Variants in MITF observed in about 807,000 individuals in gnomAD.
MITF encodes the protein microphthalmia-associated transcription factor.
In MITF, 17 loss-of-function variants were observed where a neutral mutation model predicts 60.5. The observed-to-expected ratio is 0.28, with a 90% CI of 0.19 to 0.42. The LOEUF is 0.42. Among genes scored for constraint, MITF ranks in the 10% least tolerant of loss-of-function variants. The probability of loss-of-function intolerance (pLI) is 1.00; values close to 1 mark genes in which losing one functional copy is unlikely to be tolerated. For missense variants in MITF, 622 were observed against 683.5 expected, an observed-to-expected ratio of 0.91 and a Z score of 1.00; for synonymous variants, 260 against 248.5, an observed-to-expected ratio of 1.05 and a Z score of -0.43.
chr3:69,866,155 C>T lies in MITF; in HGVS notation c.105-12979C>T. ...TTGCAGACAGAAACCAGGCACCGTT[C>T]TAGCACAGAGCTGTGTTTGGATTGG... is the stretch of plus-strand genomic sequence containing the variant. On this transcript the variant is annotated intron_variant, in intron 1 of 9. Coordinates refer to ENST00000352241, the MANE Select transcript of MITF (RefSeq NM_001354604.2). 2.6e-6 allele frequency: 4 copies of T among 1,511,408 alleles called. No individual in the cohort carries two copies. The African/African-American group carries it at 5.6e-5, about 21-fold the overall frequency. The allele number at this position is 1,511,408 out of a possible 1,614,324, so 93.6% of individuals were successfully genotyped here.
chr3:69,886,498 A>G (rs560392068), intron 2 of MITF, among the ~76,000 whole-genome samples: 164 of 152,226 alleles, frequency 1.1e-3, no homozygotes, highest in Admixed American at 2.2e-3. Context: ...TTATTTGCTT[A>G]TAAGCACACA....
chr3:69,936,582 TA>T, intron 2 of MITF: 6 of 1,518,252 alleles, frequency 4.0e-6, no homozygotes, highest in Non-Finnish European at 5.3e-6. Flanking sequence ...GCTTCTGTGA[TA>T]AAGTTTCCGG....
In MITF at chr3:69,879,147, CA is replaced by C; in HGVS notation, c.119del (p.His40LeufsTer9). On this transcript the variant is annotated frameshift_variant, in exon 2 of 10. Coordinates refer to ENST00000352241, the MANE Select transcript of MITF (RefSeq NM_001354604.2). LOFTEE classifies it high-confidence loss of function. ...GTTTTCCCACAGCAGTTCCGCCGAG[CA>C]TCCTGGGGCCTCCAAGCCTCCGATA... ...QPLKSSSSAE[H>X]PGASKPPISS... 6.2e-7 allele frequency: 1 copy of C among 1,614,214 alleles called. No homozygotes were observed. Among genetic ancestry groups the C allele is most frequent in the East Asian group, 2.2e-5 (1 of 44,886 alleles).
intron 2 of MITF, among the ~76,000 whole-genome samples, chr3:69,902,690 A>G (rs1395333754): frequency 5.9e-5 from 9 of 152,186 alleles, no homozygotes; most frequent in African/African-American, 2.2e-4. Flanking sequence ...ACTACTTTTA[A>G]TTACTGTGCA....
At chr3:69,898,191 C>T (rs939560160) in intron 2 of MITF, among the ~76,000 whole-genome samples, 1 of 152,188 alleles carries the variant, frequency 6.6e-6, no homozygotes, top group Non-Finnish European at 1.5e-5. Flanking sequence ...AGAAGTCTTT[C>T]CCCTGTTCAC....
At chr3:69,880,402 T>A (rs982411464) in intron 2 of MITF, among the ~76,000 whole-genome samples, 1 of 151,916 alleles carries the variant, frequency 6.6e-6, no homozygotes, top group East Asian at 1.9e-4. Flanking sequence ...AAATCAAGAG[T>A]CAATTATTTT....
intron 1 of MITF, among the ~76,000 whole-genome samples, chr3:69,826,741 C>A (rs898951384): frequency 6.6e-6 from 1 of 152,134 alleles, no homozygotes; most frequent in African/African-American, 2.4e-5. Flanking sequence ...GTGCACAGTG[C>A]TTGACACATA....
intron 1 of MITF, among the ~76,000 whole-genome samples, chr3:69,831,226 G>A (rs973775642): frequency 6.6e-6 from 1 of 152,170 alleles, no homozygotes; most frequent in Non-Finnish European, 1.5e-5. Context: ...AATGGCAGCC[G>A]TTAACAATTA....
chr3:69,871,625 T>G (rs115820123), intron 1 of MITF, among the ~76,000 whole-genome samples: 3 of 152,228 alleles, frequency 2.0e-5, no homozygotes, highest in African/African-American at 7.2e-5. Context: ...CAACACAATG[T>G]TGGAAACTTT....
chr3:69,939,051 C>T, intron 3 of MITF, 47 bp from the exon 4 acceptor site: 1 of 1,603,386 alleles, frequency 6.2e-7, no homozygotes, highest in East Asian at 2.2e-5. Context: ...ATTAAAAAGT[C>T]ATTTGCAAAT....
intron 1 of MITF, among the ~76,000 whole-genome samples, chr3:69,849,344 C>T (rs537285663): frequency 6.6e-6 from 1 of 152,224 alleles, no homozygotes; most frequent in African/African-American, 2.4e-5. Context: ...ATTTCAGTTA[C>T]GGTGCTGTTT....
chr3:69,854,634 G>C lies in MITF; in HGVS notation c.105-24500G>C, dbSNP rs985740048. On this transcript the variant is annotated intron_variant, in intron 1 of 9. Transcript: ENST00000352241. ...AGGGGCTGACTGTATTTTGTCTTCT[G>C]TATGAAAGAGGTGCTTATTGTACAA... is the stretch of plus-strand genomic sequence containing the variant. Among the ~76,000 whole-genome samples, 6 of 152,156 alleles carry C rather than the reference G, an allele frequency of 3.9e-5. No homozygotes were observed. The East Asian group carries it at 9.6e-4, about 24-fold the overall frequency.
In MITF at chr3:69,876,405, T is replaced by TC. The variant is rs577153094; in HGVS notation, c.105-2723dup. 5.2e-3 allele frequency among the ~76,000 whole-genome samples: 785 copies of TC among 151,882 alleles called. 3 individuals are homozygous for TC. The highest frequency in any genetic ancestry group is 0.018 in the African/African-American group (744 of 41,380). ...TATTTATTTATTTTAAAATAACTGT[T>TC]CCCCCCGCGCTTCCCCCCGCCACCC... is the stretch of plus-strand genomic sequence containing the variant. On this transcript the variant is annotated intron_variant, in intron 1 of 9. Coordinates refer to ENST00000352241, the MANE Select transcript of MITF (RefSeq NM_001354604.2).
At chr3:69,742,944 A>G (rs1049671087) in intron 1 of MITF, among the ~76,000 whole-genome samples, 1 of 152,084 alleles carries the variant, frequency 6.6e-6, no homozygotes, top group African/African-American at 2.4e-5. Flanking sequence ...TCTACTGTAT[A>G]ATTTTCCAAT....
intron 6 of MITF, among the ~76,000 whole-genome samples, chr3:69,950,536 A>G (rs1166988412): frequency 1.3e-5 from 2 of 148,386 alleles, no homozygotes; most frequent in Admixed American, 1.3e-4. Context: ...ACATGGATGT[A>G]TGCATATAGA....
chr3:69,739,814 C>T, intron 1 of MITF, 113 bp downstream of exon 1: 1 of 780,950 alleles, frequency 1.3e-6, no homozygotes, highest in Non-Finnish European at 2.2e-6. Context: ...ACCCAGTGCC[C>T]TTGCCCCGGA....
rs149860870 is a variant in MITF at position 69,867,612 on chromosome 3, T to C, written c.105-11522T>C. Among the ~76,000 whole-genome samples, 42 of 152,308 alleles carry C rather than the reference T, an allele frequency of 2.8e-4. 1 individual carries two copies. The highest frequency in any genetic ancestry group is 1.0e-3 in the African/African-American group (42 of 41,582). ...AAATGTCACTATGCTAGAAATGTTA[T>C]AAATTTTTGCCTTATTAATGAGATA... On this transcript the variant is annotated intron_variant, in intron 1 of 9. Coordinates refer to ENST00000352241, the MANE Select transcript of MITF (RefSeq NM_001354604.2).
At chr3:69,820,671 T>C (rs1295139594) in intron 1 of MITF, among the ~76,000 whole-genome samples, 7 of 152,192 alleles carry the variant, frequency 4.6e-5, no homozygotes, top group Non-Finnish European at 8.8e-5. Flanking sequence ...ATTAATTTGG[T>C]TGGGATCCAT....
intron 1 of MITF, among the ~76,000 whole-genome samples, chr3:69,786,107 TAGCACATTCCACTCTTA>T (rs1202333397): frequency 6.6e-6 from 1 of 152,216 alleles, no homozygotes; most frequent in African/African-American, 2.4e-5. Flanking sequence ...ATGCTTTAAG[TAGCACATTCCACTCTTA>T]GATTCTAAGG....
Sources: gnomAD v4.1 joint callset for allele counts (sites outside exome capture counted in the v4.1 genomes callset) on GRCh38, gnomAD v4.1.1 for gene constraint, MANE v1.5 for transcripts, NCBI Gene and HGNC (gene_info 2026-07-23, HGNC 2026-07-21) for gene names.